CHSY3: variants seen among roughly 807,000 people sequenced by gnomAD.
CHSY3 encodes N-acetylgalactosaminyl-proteoglycan 3-beta-glucuronosyltransferase 3.
In CHSY3, 35 loss-of-function variants were observed where a neutral mutation model predicts 67.2. The ratio of observed to expected loss-of-function variants is 0.52; its 90% CI spans 0.40 to 0.69. The LOEUF (loss-of-function observed/expected upper bound fraction) is 0.69, where lower values mean the gene tolerates loss of function less well. Among genes scored for constraint, CHSY3 ranks in the 30% least tolerant of loss-of-function variants. CHSY3 has a pLI of 0.00. For synonymous variants in CHSY3, 474 were observed against 434.7 expected (o/e 1.09, Z -1.12); for missense variants, 1,069 against 1,138.5 (o/e 0.94, Z 0.88).
intron 2 of CHSY3, among the ~76,000 whole-genome samples, chr5:129,947,801 G>A (rs1761905269): frequency 6.6e-6 from 1 of 151,964 alleles, no homozygotes; most frequent in African/African-American, 2.4e-5. Flanking sequence ...TTTGATAATA[G>A]CCATCTTAAC....
chr5:130,050,912 T>C (rs1765323950), intron 2 of CHSY3, among the ~76,000 whole-genome samples: 1 of 152,146 alleles, frequency 6.6e-6, no homozygotes, highest in Admixed American at 6.6e-5. Context: ...AAGTTAATGA[T>C]TGTGTTAATT....
At position 129,925,479 on chromosome 5, in the gene CHSY3, G is replaced by T. The variant is rs1761072374; in HGVS notation, c.1086+17119G>T. On this transcript the variant is annotated intron_variant, in intron 2 of 2. Coordinates refer to ENST00000305031, the MANE Select transcript of CHSY3 (RefSeq NM_175856.5). Reference sequence around the variant, plus strand: ...AATAAAAATTGCAAATTTCTGTGGTGTACAACGTGGTTTTGATATATGTAT... The same window carrying T: ...AATAAAAATTGCAAATTTCTGTGGTTTACAACGTGGTTTTGATATATGTAT... Among the ~76,000 whole-genome samples the T allele has an allele frequency of 2.6e-5, 4 of 152,240 alleles. 1 individual carries two copies. Among genetic ancestry groups the T allele is most frequent in the Non-Finnish European group, 5.9e-5 (4 of 68,020 alleles).
At chr5:130,132,766 G>T (rs985337672) in intron 2 of CHSY3, among the ~76,000 whole-genome samples, 5 of 152,102 alleles carry the variant, frequency 3.3e-5, no homozygotes, top group South Asian at 2.1e-4. Context: ...ATAATTGGGG[G>T]ACTCCTAGTC....
At chr5:129,978,884 A>G (rs1247279407) in intron 2 of CHSY3, among the ~76,000 whole-genome samples, 1 of 152,162 alleles carries the variant, frequency 6.6e-6, no homozygotes, top group African/African-American at 2.4e-5. Flanking sequence ...CTTAATTAGC[A>G]TTATACTGTC....
intron 2 of CHSY3, among the ~76,000 whole-genome samples, chr5:130,103,078 T>A (rs1767300056): frequency 6.6e-6 from 1 of 152,058 alleles, no homozygotes; most frequent in Non-Finnish European, 1.5e-5. Flanking sequence ...GCTTGGTGCT[T>A]CCTGGGATGC....
chr5:130,035,087 T>C (rs1764828088), intron 2 of CHSY3, among the ~76,000 whole-genome samples: 2 of 152,066 alleles, frequency 1.3e-5, no homozygotes, highest in South Asian at 4.1e-4. Flanking sequence ...ATAGAAGTAT[T>C]TTGATCAGAT....
intron 2 of CHSY3, among the ~76,000 whole-genome samples, chr5:130,121,890 G>T (rs1480444591): frequency 6.6e-6 from 1 of 152,122 alleles, no homozygotes; most frequent in Non-Finnish European, 1.5e-5. Flanking sequence ...GACCACCAGA[G>T]ACTGGCCCTC....
intron 2 of CHSY3, among the ~76,000 whole-genome samples, chr5:130,004,659 G>T (rs1763822671): frequency 6.6e-6 from 1 of 152,118 alleles, no homozygotes; most frequent in Admixed American, 6.5e-5. Flanking sequence ...TAGGGGTTGA[G>T]TTGGCTCTGA....
At chr5:130,089,693 G>C (rs77085567) in intron 2 of CHSY3, among the ~76,000 whole-genome samples, 1,725 of 152,190 alleles carry the variant, frequency 0.011, 26 homozygotes, top group African/African-American at 0.038. Context: ...ATGCCTGTTT[G>C]ATTTCTTCTC....
intron 2 of CHSY3, among the ~76,000 whole-genome samples, chr5:130,100,364 T>A (rs796667013): frequency 1.1e-3 from 163 of 151,362 alleles, no homozygotes; most frequent in African/African-American, 3.8e-3. Flanking sequence ...TTTTTTTTTT[T>A]TTTTGTATTT....
chr5:130,176,636 A>AT (rs1770061575), intron 2 of CHSY3, among the ~76,000 whole-genome samples: 1 of 152,248 alleles, frequency 6.6e-6, no homozygotes, highest in Non-Finnish European at 1.5e-5. Flanking sequence ...AATGTCACAC[A>AT]TATACACCAT....
intron 2 of CHSY3, among the ~76,000 whole-genome samples, chr5:130,100,845 C>T (rs1353410476): frequency 6.6e-6 from 1 of 152,138 alleles, no homozygotes. Context: ...TTTCAACCCT[C>T]TTAAGTCTTA....
At chr5:129,956,787 T>C (rs1195791353) in intron 2 of CHSY3, among the ~76,000 whole-genome samples, 1 of 152,136 alleles carries the variant, frequency 6.6e-6, no homozygotes, top group Non-Finnish European at 1.5e-5. Flanking sequence ...TTTGCAGCAT[T>C]ATTTCTGGGC....
intron 2 of CHSY3, among the ~76,000 whole-genome samples, chr5:130,067,221 G>C (rs182808470): frequency 1.1e-3 from 163 of 152,110 alleles, no homozygotes; most frequent in African/African-American, 3.2e-3. Flanking sequence ...TGACCAAATA[G>C]TTCTCTTCCT....
intron 2 of CHSY3, among the ~76,000 whole-genome samples, chr5:129,945,055 A>G (rs569768467): frequency 6.6e-6 from 1 of 152,236 alleles, no homozygotes; most frequent in African/African-American, 2.4e-5. Context: ...CTTTGAATTT[A>G]TCTATGCAAA....
Position 130,178,161 on chromosome 5 carries a change from T to C in CHSY3, c.1087-6068T>C, listed in dbSNP as rs1489464536. 2.1e-5 allele frequency among the ~76,000 whole-genome samples: 3 copies of C among 143,754 alleles called. No homozygotes were observed. In the Admixed American group the frequency reaches 2.1e-4, roughly 10 times the overall value. 94.3% of individuals were successfully genotyped at this position (143,754 alleles called of 152,430 possible). On this transcript the variant is annotated intron_variant, in intron 2 of 2. Transcript: ENST00000305031. ...GGATATAGTTGTGGTCTTTTTTTAG[T>C]ATTATATGTATATATATGTGTGTGT...
intron 2 of CHSY3, among the ~76,000 whole-genome samples, chr5:130,092,565 C>A (rs888116020): frequency 6.6e-6 from 1 of 152,010 alleles, no homozygotes; most frequent in African/African-American, 2.4e-5. Flanking sequence ...TTTAATGTAC[C>A]CAAGAAGTTT....
At chr5:130,076,088 C>G (rs972959145) in intron 2 of CHSY3, among the ~76,000 whole-genome samples, 1 of 152,112 alleles carries the variant, frequency 6.6e-6, no homozygotes, top group Admixed American at 6.6e-5. Flanking sequence ...CTTAACCTGA[C>G]TACTCTCCAC....
chr5:130,065,870 G>A (rs997243692), intron 2 of CHSY3, among the ~76,000 whole-genome samples: 4 of 152,024 alleles, frequency 2.6e-5, no homozygotes, highest in South Asian at 2.1e-4. Context: ...CTCCCCTGTC[G>A]TATTGGTTCA....
Sources: allele counts gnomAD v4.1 joint callset (sites outside exome capture counted in the v4.1 genomes callset), GRCh38; gene constraint gnomAD v4.1.1; transcripts MANE v1.5; gene names NCBI Gene and HGNC (gene_info 2026-07-23, HGNC 2026-07-21).